The following OTUD7A variants were observed in gnomAD, a reference collection of about 807,000 sequenced individuals.
OTUD7A encodes OTU domain-containing protein 7A.
In OTUD7A, 12 loss-of-function variants were observed where a neutral mutation model predicts 65.7. That is an observed-to-expected ratio of 0.18 (90% CI 0.12 to 0.30). The LOEUF is 0.30. Among genes scored for constraint, OTUD7A ranks in the 10% least tolerant of loss-of-function variants. The probability of loss-of-function intolerance (pLI) is 1.00; values close to 1 mark genes in which losing one functional copy is unlikely to be tolerated. For synonymous variants in OTUD7A, 641 were observed against 586.3 expected (o/e 1.09, Z -1.35); for missense variants, 1,148 against 1,304.8 (o/e 0.88, Z 1.85).
chr15:31,794,053 CATT>C (rs1441899224), intron 1 of OTUD7A, among the ~76,000 whole-genome samples: 1 of 152,228 alleles, frequency 6.6e-6, no homozygotes, highest in African/African-American at 2.4e-5. Flanking sequence ...CTTTGATTAA[CATT>C]ATAGTTTTAT....
chr15:31,675,916 G>A (rs752713047), intron 1 of OTUD7A, among the ~76,000 whole-genome samples: 3 of 152,168 alleles, frequency 2.0e-5, no homozygotes, highest in Non-Finnish European at 4.4e-5. Context: ...ATAAATGGAT[G>A]GGAAGACTAT....
At chr15:31,680,921 G>C (rs1359314974) in intron 1 of OTUD7A, among the ~76,000 whole-genome samples, 4 of 150,658 alleles carry the variant, frequency 2.7e-5, no homozygotes, top group African/African-American at 1.0e-4. Flanking sequence ...CTAAACCCCT[G>C]TGAATCCACT....
Position 31,656,372 on chromosome 15 carries a change from C to A in OTUD7A, c.-5+611G>T, listed in dbSNP as rs1469424957. 2.6e-5 allele frequency among the ~76,000 whole-genome samples: 4 copies of A among 152,308 alleles called. No individual in the cohort carries two copies. In the East Asian group the frequency reaches 5.8e-4, roughly 22 times the overall value. On this transcript the variant is annotated intron_variant, in intron 2 of 12. Coordinates refer to ENST00000307050, the MANE Select transcript of OTUD7A (RefSeq NM_001382637.1). Reference sequence around the variant, plus strand: ...ACCATGGGCCACATGTGGTCTGCCACCCATTTTTGTAAATGAAGTTTTATG... The same window carrying A: ...ACCATGGGCCACATGTGGTCTGCCAACCATTTTTGTAAATGAAGTTTTATG...
At chr15:31,642,058 C>G (rs555342012) in intron 3 of OTUD7A, among the ~76,000 whole-genome samples, 1 of 152,216 alleles carries the variant, frequency 6.6e-6, no homozygotes, top group East Asian at 1.9e-4. Context: ...TTTGTAAATA[C>G]TTTATATAAG....
At chr15:31,797,105 C>A (rs1383486085) in intron 1 of OTUD7A, among the ~76,000 whole-genome samples, 1 of 152,146 alleles carries the variant, frequency 6.6e-6, no homozygotes, top group African/African-American at 2.4e-5. Context: ...TTAAGATGTT[C>A]CAGGAGCTCC....
At chr15:31,520,525 A>G (rs2041923266) in intron 8 of OTUD7A, among the ~76,000 whole-genome samples, 1 of 152,238 alleles carries the variant, frequency 6.6e-6, no homozygotes, top group South Asian at 2.1e-4. Context: ...ACCTAAATGT[A>G]AGACCTGAAA....
chr15:31,724,280 GT>G (rs1429641557), intron 1 of OTUD7A, among the ~76,000 whole-genome samples: 1 of 152,190 alleles, frequency 6.6e-6, no homozygotes, highest in Non-Finnish European at 1.5e-5. Flanking sequence ...GGCTTGTGGG[GT>G]TTTGGGTTTG....
chr15:31,535,465 G>T (rs1887764344), intron 5 of OTUD7A, among the ~76,000 whole-genome samples: 1 of 152,072 alleles, frequency 6.6e-6, no homozygotes, highest in African/African-American at 2.4e-5. Context: ...GTATCTTTAT[G>T]GCAGTGTGAA....
At chr15:31,678,322 T>G (rs548087408) in intron 1 of OTUD7A, among the ~76,000 whole-genome samples, 1 of 152,286 alleles carries the variant, frequency 6.6e-6, no homozygotes, top group East Asian at 1.9e-4. Context: ...GAAAAACCAA[T>G]TTTTTGAGGA....
intron 1 of OTUD7A, among the ~76,000 whole-genome samples, chr15:31,775,745 G>C (rs1043601494): frequency 7.9e-5 from 12 of 152,186 alleles, no homozygotes; most frequent in Non-Finnish European, 1.6e-4. Flanking sequence ...AATGAGTGTA[G>C]ACATGGGCAT....
rs2041158622 is a variant in OTUD7A at position 31,483,195 on chromosome 15, C to T, written c.*99G>A. On this transcript the variant is annotated 3_prime_UTR_variant, in exon 13 of 13. Transcript: ENST00000307050. ...TACACGGCACTGACAGAGGAGGCGC[C>T]GGCCTTCCGGTGGACCAGGGCATGT... 10 of 1,014,294 alleles carry T rather than the reference C, an allele frequency of 9.9e-6. No homozygotes were observed. Among genetic ancestry groups the T allele is most frequent in the African/African-American group, 1.7e-5 (1 of 57,798 alleles). 62.8% of individuals were successfully genotyped at this position (1,014,294 alleles called of 1,614,324 possible).
intron 8 of OTUD7A, among the ~76,000 whole-genome samples, chr15:31,525,466 G>A (rs75877288): frequency 0.016 from 2,485 of 152,292 alleles, 62 homozygotes; most frequent in African/African-American, 0.057. Context: ...TTTTCCAGCC[G>A]GGGCCTCCAG....
rs554682989 is a variant in OTUD7A at position 31,679,485 on chromosome 15, T to C, written c.-99-22408A>G. Among the ~76,000 whole-genome samples the C allele has an allele frequency of 5.4e-4, 82 of 152,294 alleles. No individual in the cohort carries two copies. In the South Asian group the frequency reaches 6.0e-3, roughly 11 times the overall value. The stretch of plus-strand genomic sequence containing the variant: ...CAAGGGTGGGACCAGGTGGAGGTCA[T>C]TGGATCATGGGGGTGGTTTCTCCCA... On this transcript the variant is annotated intron_variant, in intron 1 of 12. Transcript: ENST00000307050.
chr15:31,597,686 C>T (rs1370786143), intron 3 of OTUD7A, among the ~76,000 whole-genome samples: 1 of 152,172 alleles, frequency 6.6e-6, no homozygotes, highest in African/African-American at 2.4e-5. Flanking sequence ...GGACTGTCCT[C>T]CCCTAGGTCC....
intron 1 of OTUD7A, among the ~76,000 whole-genome samples, chr15:31,668,712 G>T (rs1892396232): frequency 6.6e-6 from 1 of 152,152 alleles, no homozygotes; most frequent in African/African-American, 2.4e-5. Flanking sequence ...TTTTTGGGGG[G>T]TGTTAAAGAG....
intron 8 of OTUD7A, among the ~76,000 whole-genome samples, chr15:31,510,165 G>C (rs1224180407): frequency 6.7e-6 from 1 of 149,598 alleles, no homozygotes; most frequent in Non-Finnish European, 1.5e-5. Flanking sequence ...CTGTAGTCTT[G>C]GCCCCCGGCC....
chr15:31,600,857 CAAAG>C (rs1890052528), intron 3 of OTUD7A, among the ~76,000 whole-genome samples: 1 of 152,100 alleles, frequency 6.6e-6, no homozygotes, highest in Non-Finnish European at 1.5e-5. Context: ...TCAAAAGAGA[CAAAG>C]AAGGGCATTA....
At chr15:31,538,011 C>T (rs1305170531) in intron 5 of OTUD7A, among the ~76,000 whole-genome samples, 1 of 152,244 alleles carries the variant, frequency 6.6e-6, no homozygotes, top group Admixed American at 6.5e-5. Flanking sequence ...CTTGCCTGCC[C>T]CATGGGGCAA....
chr15:31,595,866 T>C (rs1002193142), intron 3 of OTUD7A, among the ~76,000 whole-genome samples: 7 of 152,220 alleles, frequency 4.6e-5, no homozygotes, highest in Admixed American at 3.9e-4. Flanking sequence ...ACTGTCAGTG[T>C]CCAGACACCA....
Sources: allele counts gnomAD v4.1 joint callset (sites outside exome capture counted in the v4.1 genomes callset), GRCh38; gene constraint gnomAD v4.1.1; transcripts MANE v1.5; gene names NCBI Gene and HGNC (gene_info 2026-07-23, HGNC 2026-07-21).